Variants in TMEM45A observed in about 807,000 individuals in gnomAD.
The protein encoded by TMEM45A is transmembrane protein 45A.
TMEM45A carries 25 observed loss-of-function variants against 32.0 expected under a neutral mutation model. The observed-to-expected ratio is 0.78, with a 90% CI of 0.57 to 1.09. TMEM45A has a LOEUF of 1.09. TMEM45A is among the 50% of genes least tolerant of loss of function. The pLI is 0.00. For missense variants in TMEM45A, 302 were observed against 325.0 expected, an observed-to-expected ratio of 0.93 and a Z score of 0.54; for synonymous variants, 122 against 114.8, an observed-to-expected ratio of 1.06 and a Z score of -0.40.
chr3:100,515,205 A>G (rs543323081), intron 1 of TMEM45A, among the ~76,000 whole-genome samples: 2 of 152,286 alleles, frequency 1.3e-5, no homozygotes, highest in South Asian at 4.1e-4. Context: ...TTATTCTCCA[A>G]TAGCAAAGAC....
chr3:100,539,509 G>GTATACA (rs1559644654), intron 1 of TMEM45A, among the ~76,000 whole-genome samples: 2 of 146,414 alleles, frequency 1.4e-5, no homozygotes, highest in East Asian at 1.9e-4. Context: ...ATACGTATAC[G>GTATACA]TATACGTATA....
At chr3:100,499,831 GTGCCA>G (rs1707986308) in intron 1 of TMEM45A, among the ~76,000 whole-genome samples, 1 of 152,204 alleles carries the variant, frequency 6.6e-6, no homozygotes, top group African/African-American at 2.4e-5. Context: ...AGCCGAGATT[GTGCCA>G]CTGCACTCCA....
At chr3:100,542,353 G>A (rs1262556659) in intron 1 of TMEM45A, among the ~76,000 whole-genome samples, 5 of 151,964 alleles carry the variant, frequency 3.3e-5, no homozygotes, top group Admixed American at 6.6e-5. Context: ...TAGAAGGATC[G>A]TAGAAGAAAA....
At chr3:100,513,102 G>C (rs1299645912) in intron 1 of TMEM45A, among the ~76,000 whole-genome samples, 1 of 149,112 alleles carries the variant, frequency 6.7e-6, no homozygotes, top group South Asian at 2.1e-4. Flanking sequence ...AGAAAAAGAG[G>C]GAATCCTCCC....
At chr3:100,548,600 A>G (rs1706028162) in intron 1 of TMEM45A, among the ~76,000 whole-genome samples, 1 of 152,168 alleles carries the variant, frequency 6.6e-6, no homozygotes, top group African/African-American at 2.4e-5. Flanking sequence ...TCTTAGACAA[A>G]GTCCTCTCCC....
chr3:100,557,447 A>C (rs1706243697), intron 3 of TMEM45A, among the ~76,000 whole-genome samples: 1 of 152,250 alleles, frequency 6.6e-6, no homozygotes, highest in South Asian at 2.1e-4. Flanking sequence ...ATGCAGTCAC[A>C]TAAAAAATAT....
chr3:100,565,747 T>C (rs1230879561), intron 4 of TMEM45A, among the ~76,000 whole-genome samples: 4 of 152,180 alleles, frequency 2.6e-5, no homozygotes, highest in African/African-American at 9.7e-5. Flanking sequence ...TTATCTATTA[T>C]CTCTCTATCT....
intron 1 of TMEM45A, among the ~76,000 whole-genome samples, chr3:100,513,362 C>G (rs1708201480): frequency 6.6e-6 from 1 of 151,840 alleles, no homozygotes; most frequent in Admixed American, 6.6e-5. Context: ...TAAACAGAAC[C>G]AAAGACAAAA....
intron 1 of TMEM45A, among the ~76,000 whole-genome samples, chr3:100,497,785 C>A (rs1408943452): frequency 1.3e-5 from 2 of 152,106 alleles, no homozygotes; most frequent in African/African-American, 2.4e-5. Context: ...TATATACCAT[C>A]TTTTGTTTTT....
chr3:100,534,122 C>G (rs1184325965), intron 1 of TMEM45A, among the ~76,000 whole-genome samples: 2 of 152,188 alleles, frequency 1.3e-5, no homozygotes, highest in Admixed American at 6.5e-5. Context: ...CTGTTCTCTT[C>G]TTCCCCTCTT....
At position 100,576,942 on chromosome 3, in the gene TMEM45A, T is replaced by C; in HGVS notation, c.752T>C (p.Leu251Pro). 1 of 1,613,462 alleles carries C rather than the reference T, an allele frequency of 6.2e-7. No homozygotes were observed. The highest frequency in any genetic ancestry group is 8.5e-7 in the Non-Finnish European group (1 of 1,179,786). The part of the protein sequence containing the change: ...AFITWLVKSR[L>P]KRLCSSEVGL... ...CTCCTCAGGTTGGTTAAATCTAGACTTAAGAGGCTCTGCTCCTCAGAAGTT... is the reference window on the plus strand; with the variant it reads ...CTCCTCAGGTTGGTTAAATCTAGACCTAAGAGGCTCTGCTCCTCAGAAGTT... The change falls in exon 6 of 6, where the codon CTT (leucine) becomes CCT (proline). Residue 251 changes from leucine to proline, a missense_variant. Coordinates refer to ENST00000323523, the MANE Select transcript of TMEM45A (RefSeq NM_018004.3).
intron 1 of TMEM45A, among the ~76,000 whole-genome samples, chr3:100,506,396 C>G (rs1708081322): frequency 6.6e-6 from 1 of 152,102 alleles, no homozygotes. Flanking sequence ...GTAAAATTCA[C>G]AGTATCTGAC....
At chr3:100,543,529 T>A (rs535995598) in intron 1 of TMEM45A, among the ~76,000 whole-genome samples, 2 of 152,290 alleles carry the variant, frequency 1.3e-5, no homozygotes, top group South Asian at 2.1e-4. Flanking sequence ...ATAGATTTTT[T>A]AAATTTTGCA....
chr3:100,557,886 A>G (rs999023182), intron 3 of TMEM45A, among the ~76,000 whole-genome samples: 5 of 152,194 alleles, frequency 3.3e-5, no homozygotes, highest in African/African-American at 1.2e-4. Context: ...GCATGTTGTT[A>G]TATCTGTCAA....
chr3:100,576,464 A>AG (rs1706688156), intron 5 of TMEM45A, among the ~76,000 whole-genome samples: 1 of 151,934 alleles, frequency 6.6e-6, no homozygotes, highest in African/African-American at 2.4e-5. Context: ...TTAAAAAAAA[A>AG]TAATAATTAG....
intron 1 of TMEM45A, among the ~76,000 whole-genome samples, chr3:100,550,925 G>A (rs1324973599): frequency 1.3e-5 from 2 of 152,126 alleles, no homozygotes; most frequent in Non-Finnish European, 2.9e-5. Flanking sequence ...TTTGGATGGG[G>A]GAGGAGGAAG....
At chr3:100,518,017 G>A (rs982033222) in intron 1 of TMEM45A, among the ~76,000 whole-genome samples, 40 of 152,292 alleles carry the variant, frequency 2.6e-4, no homozygotes, top group African/African-American at 9.1e-4. Context: ...AGATAAGTGG[G>A]TTTTGATTGG....
chr3:100,498,306 TACAGATGAGGTTA>T (rs1707961025), intron 1 of TMEM45A, among the ~76,000 whole-genome samples: 1 of 152,224 alleles, frequency 6.6e-6, no homozygotes, highest in Non-Finnish European at 1.5e-5. Flanking sequence ...AATGGAATAA[TACAGATGAGGTTA>T]ACATTTAAAT....
intron 5 of TMEM45A, chr3:100,572,463 T>C (rs1240527271): frequency 6.6e-6 from 1 of 151,716 alleles, no homozygotes; most frequent in Non-Finnish European, 1.5e-5. Context: ...TTTTTTCTTG[T>C]AAATTTGTTT....
Sources: allele counts gnomAD v4.1 joint callset (sites outside exome capture counted in the v4.1 genomes callset), GRCh38; gene constraint gnomAD v4.1.1; transcripts MANE v1.5; gene names NCBI Gene and HGNC (gene_info 2026-07-23, HGNC 2026-07-21).